Variants in CLSTN2 observed in about 807,000 individuals in gnomAD.
CLSTN2 encodes the protein calsyntenin 2.
Under a neutral mutation model 101.2 loss-of-function variants are expected in CLSTN2, and 48 were observed. That is an observed-to-expected ratio of 0.47 (90% CI 0.38 to 0.60). The LOEUF is 0.60. Among genes scored for constraint, CLSTN2 ranks in the 20% least tolerant of loss-of-function variants. The pLI is 0.00. For missense variants in CLSTN2, 1,160 were observed against 1,238.2 expected, an observed-to-expected ratio of 0.94 and a Z score of 0.95; for synonymous variants, 481 against 463.6, an observed-to-expected ratio of 1.04 and a Z score of -0.48.
intron 9 of CLSTN2, among the ~76,000 whole-genome samples, chr3:140,544,582 G>A (rs965743484): frequency 9.2e-5 from 14 of 152,222 alleles, no homozygotes; most frequent in Admixed American, 7.9e-4. Flanking sequence ...TGATTAAAAT[G>A]TGTAGCCAAG....
intron 7 of CLSTN2, chr3:140,462,613 G>C (rs960790763): frequency 6.6e-6 from 1 of 152,110 alleles, no homozygotes; most frequent in Non-Finnish European, 1.5e-5. Flanking sequence ...TAACAGAATT[G>C]ACTAGTCAGC....
chr3:140,278,344 C>T (rs1022871027), intron 2 of CLSTN2, among the ~76,000 whole-genome samples: 4 of 50,466 alleles, frequency 7.9e-5, no homozygotes, highest in African/African-American at 2.4e-4. Context: ...CTATTTTTCT[C>T]CAGGGCTCAA....
intron 1 of CLSTN2, among the ~76,000 whole-genome samples, chr3:140,070,865 A>G (rs757164169): frequency 1.3e-5 from 2 of 152,168 alleles, no homozygotes; most frequent in African/African-American, 4.8e-5. Context: ...CCAGCTACAA[A>G]GGCAGAGTTG....
At chr3:140,263,885 G>T (rs1487579129) in intron 2 of CLSTN2, among the ~76,000 whole-genome samples, 1 of 152,124 alleles carries the variant, frequency 6.6e-6, no homozygotes, top group Non-Finnish European at 1.5e-5. Flanking sequence ...CCAGGCATTT[G>T]TTATAAGTAC....
intron 2 of CLSTN2, among the ~76,000 whole-genome samples, chr3:140,232,545 T>G (rs116640048): frequency 0.017 from 2,572 of 152,248 alleles, 74 homozygotes; most frequent in African/African-American, 0.057. Flanking sequence ...TCCTACGGGC[T>G]GATGTTCCAA....
chr3:140,435,987 G>A (rs988291826), intron 5 of CLSTN2, among the ~76,000 whole-genome samples: 1 of 152,156 alleles, frequency 6.6e-6, no homozygotes, highest in South Asian at 2.1e-4. Context: ...TTGTCAGAGG[G>A]GTAGTTGGCA....
At position 140,150,747 on chromosome 3, in the gene CLSTN2, T is replaced by C. The variant is rs577254940; in HGVS notation, c.110-25204T>C. 2.0e-5 allele frequency among the ~76,000 whole-genome samples: 3 copies of C among 152,226 alleles called. No homozygotes were observed. In the East Asian group the frequency reaches 5.8e-4, roughly 29 times the overall value. The stretch of plus-strand genomic sequence containing the variant: ...TTTCTCTGCCCTTGCTGCTTTTTTT[T>C]CTTCTCTTTCACTGATATTGATCCC... On this transcript the variant is annotated intron_variant, in intron 1 of 16. Transcript: ENST00000458420.
intron 1 of CLSTN2, among the ~76,000 whole-genome samples, chr3:140,001,268 C>T (rs1287994952): frequency 6.6e-6 from 1 of 152,008 alleles, no homozygotes; most frequent in Non-Finnish European, 1.5e-5. Flanking sequence ...CTTCTCCTCC[C>T]ATCCTTTTTT....
At chr3:140,465,340 G>A (rs139501415) in intron 7 of CLSTN2, among the ~76,000 whole-genome samples, 4 of 152,234 alleles carry the variant, frequency 2.6e-5, no homozygotes, top group African/African-American at 7.2e-5. Context: ...AACTTCCAGC[G>A]GGAAGGAAAG....
chr3:140,012,378 T>C (rs896969407), intron 1 of CLSTN2, among the ~76,000 whole-genome samples: 1 of 152,120 alleles, frequency 6.6e-6, no homozygotes, highest in South Asian at 2.1e-4. Context: ...AATAAAAACA[T>C]GTATTTATCT....
intron 1 of CLSTN2, among the ~76,000 whole-genome samples, chr3:140,135,115 C>T (rs866821866): frequency 0.023 from 1,199 of 51,410 alleles, 26 homozygotes; most frequent in African/African-American, 0.095. Context: ...CACACACACA[C>T]ACATATATAT....
rs116195050 is a variant in CLSTN2, at chr3:140,031,993, T to A, written c.109+96510T>A. Reference sequence around the variant, plus strand: ...TTTCCAAACTGCTCACTAGTCCTAATACTCTGTAGCGATGGGAACACTGTT... The same window carrying A: ...TTTCCAAACTGCTCACTAGTCCTAAAACTCTGTAGCGATGGGAACACTGTT... On this transcript the variant is annotated intron_variant, in intron 1 of 16. Coordinates refer to ENST00000458420, the MANE Select transcript of CLSTN2 (RefSeq NM_022131.3). Among the ~76,000 whole-genome samples the A allele has an allele frequency of 8.5e-3, 1,290 of 152,240 alleles. 15 individuals carry two copies. The highest frequency in any genetic ancestry group is 0.029 in the African/African-American group (1,221 of 41,538).
intron 12 of CLSTN2, among the ~76,000 whole-genome samples, chr3:140,560,936 G>A (rs937792267): frequency 1.3e-4 from 19 of 151,966 alleles, no homozygotes; most frequent in African/African-American, 3.9e-4. Flanking sequence ...GATTATACAC[G>A]AAACCATTGT....
chr3:140,172,939 G>A (rs2010262277), intron 1 of CLSTN2, among the ~76,000 whole-genome samples: 1 of 152,166 alleles, frequency 6.6e-6, no homozygotes, highest in East Asian at 1.9e-4. Context: ...ATTTGGGTGG[G>A]GACATAGAGC....
chr3:139,935,426 G>A lies in CLSTN2; in HGVS notation c.52G>A (p.Gly18Arg). The A allele has an allele frequency of 8.1e-7, 1 of 1,231,486 alleles. No homozygotes were observed. Among genetic ancestry groups the A allele is most frequent in the Non-Finnish European group, 1.0e-6 (1 of 987,466 alleles). The allele number at this position is 1,231,486 out of a possible 1,614,324, so 76.3% of individuals were successfully genotyped here. Residue 18 changes from glycine (G) to arginine (R), a missense_variant, in exon 1 of 17, where the codon GGG becomes AGG. By Grantham distance (125) the Gly-to-Arg change is moderately radical (BLOSUM62 -2). Coordinates refer to ENST00000458420, the MANE Select transcript of CLSTN2 (RefSeq NM_022131.3). The surrounding 1 kb of genome is among the most constrained non-coding windows in gnomAD (Gnocchi z 5.5). ...WVPLLLALGV[G>R]SGSGGGGDSR... is the part of the protein sequence containing the mutation. ...GCCGCTCCTGCTGGCGCTGGGCGTG[G>A]GGAGCGGCAGCGGCGGTGGCGGGGA...
intron 8 of CLSTN2, among the ~76,000 whole-genome samples, chr3:140,501,152 C>T (rs1448630345): frequency 1.3e-5 from 2 of 152,198 alleles, no homozygotes; most frequent in African/African-American, 2.4e-5. Flanking sequence ...TCCCTCCACC[C>T]ACCTTGCTCT....
intron 8 of CLSTN2, among the ~76,000 whole-genome samples, chr3:140,487,780 C>T (rs1934268863): frequency 6.6e-6 from 1 of 152,242 alleles, no homozygotes; most frequent in African/African-American, 2.4e-5. Flanking sequence ...ACATGGTCTG[C>T]TTCTGTTTCC....
intron 1 of CLSTN2, among the ~76,000 whole-genome samples, chr3:140,111,444 G>A (rs56686697): frequency 0.03 from 4,581 of 152,180 alleles, 206 homozygotes; most frequent in African/African-American, 0.099. Flanking sequence ...GAGAGACCTC[G>A]CAAACGGGCC....
intron 1 of CLSTN2, among the ~76,000 whole-genome samples, chr3:140,079,336 A>G (rs75031285): frequency 0.024 from 3,589 of 152,308 alleles, 127 homozygotes; most frequent in African/African-American, 0.08. Flanking sequence ...TATTAATATC[A>G]ATTTTCAGGA....
Sources: gnomAD v4.1 joint callset for allele counts (sites outside exome capture counted in the v4.1 genomes callset) on GRCh38, gnomAD v4.1.1 for gene constraint, Gnocchi (gnomAD v3.1) non-coding constraint, MANE v1.5 for transcripts, NCBI Gene and HGNC (gene_info 2026-07-23, HGNC 2026-07-21) for gene names.